NIBAN2: variants seen among roughly 807,000 people sequenced by gnomAD.
NIBAN2 encodes the protein niban apoptosis regulator 2.
A neutral mutation model predicts 81.8 loss-of-function variants in NIBAN2; 36 were observed. That is an observed-to-expected ratio of 0.44 (90% CI 0.34 to 0.58). NIBAN2 has a LOEUF of 0.58. Among genes scored for constraint, NIBAN2 ranks in the 20% least tolerant of loss-of-function variants. NIBAN2 has a pLI of 0.02. For missense variants in NIBAN2, 897 were observed against 1,014.1 expected (o/e 0.88, Z 1.57); for synonymous variants, 445 against 441.6 (o/e 1.01, Z -0.10).
In NIBAN2 at chr9:127,536,107, G is replaced by A. The variant is rs1242863113; in HGVS notation, c.56-4329C>T. Among the ~76,000 whole-genome samples, 2 of 152,134 alleles carry A rather than the reference G, an allele frequency of 1.3e-5. No individual in the cohort carries two copies. The highest frequency in any genetic ancestry group is 3.2e-3 in the Middle Eastern group (1 of 316). On this transcript the variant is annotated intron_variant, in intron 1 of 13. Coordinates refer to ENST00000373312, the MANE Select transcript of NIBAN2 (RefSeq NM_022833.4). This position sits in a 1 kb window ranked among gnomAD's most constrained non-coding sequence, Gnocchi z 4.0. ...CACGGATGGCTCCTTGGCAGGGGTA[G>A]CCCCGAGCACATTCTTGAGAGATGT...
chr9:127,572,406 C>T (rs912772368), upstream of NIBAN2, among the ~76,000 whole-genome samples: 4 of 152,092 alleles, frequency 2.6e-5, no homozygotes, highest in African/African-American at 7.2e-5. Context: ...TCACGGTCCT[C>T]GTCTTCATAG....
rs545062191 is a variant in NIBAN2 at position 127,516,321 on chromosome 9, C to T, written c.973+536G>A. On this transcript the variant is annotated intron_variant, in intron 8 of 13. Coordinates refer to ENST00000373312, the MANE Select transcript of NIBAN2 (RefSeq NM_022833.4). ...CAGGACTTTGGGAGGCCAAGGTGAG[C>T]GGATCACGAGGTCAGGAGTTCAAGA... Among the ~76,000 whole-genome samples, 9 of 152,116 alleles carry T rather than the reference C, an allele frequency of 5.9e-5. No homozygotes were observed. In the East Asian group the frequency reaches 1.2e-3, roughly 20 times the overall value.
intron 9 of NIBAN2, chr9:127,509,823 TCCTTCCCTCCTTCCCTCTCC>T (rs1836698778): frequency 1.4e-5 from 1 of 73,462 alleles, no homozygotes; most frequent in Non-Finnish European, 2.8e-5. Context: ...TTCCCTCCTC[TCCTTCCCTCCTTCCCTCTCC>T]CCTCCTCTCC....
At chr9:127,523,449 C>A (rs1428027613) in intron 5 of NIBAN2, among the ~76,000 whole-genome samples, 2 of 151,354 alleles carry the variant, frequency 1.3e-5, no homozygotes, top group African/African-American at 4.9e-5. Flanking sequence ...AACAACCACA[C>A]CCCTCTGTGA....
At chr9:127,555,623 G>C (rs578229197) in intron 1 of NIBAN2, among the ~76,000 whole-genome samples, 2 of 152,188 alleles carry the variant, frequency 1.3e-5, no homozygotes, top group Non-Finnish European at 2.9e-5. Flanking sequence ...GATGGGTGAC[G>C]AGATCCTGAG....
At chr9:127,532,235 T>C (rs1037678635) in intron 1 of NIBAN2, among the ~76,000 whole-genome samples, 11 of 152,150 alleles carry the variant, frequency 7.2e-5, no homozygotes, top group African/African-American at 2.2e-4. Flanking sequence ...ACTGAGGCCA[T>C]AGCGGGGAGC....
chr9:127,533,137 G>C (rs1460640224), intron 1 of NIBAN2, among the ~76,000 whole-genome samples: 1 of 151,922 alleles, frequency 6.6e-6, no homozygotes, highest in East Asian at 1.9e-4. Flanking sequence ...CATCCTGGGT[G>C]ACAGAGCAAG....
chr9:127,546,946 A>T (rs576332496), intron 1 of NIBAN2, among the ~76,000 whole-genome samples: 1 of 139,036 alleles, frequency 7.2e-6, no homozygotes, highest in South Asian at 2.6e-4. Context: ...GTAGCAGCTG[A>T]GACACAAAGA....
chr9:127,565,946 T>TCTCACACACACACACA (rs751937125), intron 1 of NIBAN2, among the ~76,000 whole-genome samples: 18 of 130,556 alleles, frequency 1.4e-4, no homozygotes, highest in African/African-American at 5.2e-4. Context: ...TCTCTCTCTC[T>TCTCACACACACACACA]CACACACACA....
At chr9:127,573,260 TG>T (rs1291838991), upstream of NIBAN2, among the ~76,000 whole-genome samples, 1 of 151,302 alleles carries the variant, frequency 6.6e-6, no homozygotes, top group African/African-American at 2.4e-5. Flanking sequence ...TGGCATGGAC[TG>T]GTGGGACCCC....
intron 5 of NIBAN2, among the ~76,000 whole-genome samples, chr9:127,520,031 A>G (rs2254714): frequency 0.71 from 108,383 of 152,054 alleles, 39,149 homozygotes; most frequent in Middle Eastern, 0.78. Flanking sequence ...GAGGGAGGCC[A>G]GCCAGCCTTG....
At chr9:127,542,840 A>T (rs1403480038) in intron 1 of NIBAN2, among the ~76,000 whole-genome samples, 1 of 152,220 alleles carries the variant, frequency 6.6e-6, no homozygotes, top group Non-Finnish European at 1.5e-5. Flanking sequence ...CTTCTGCCTC[A>T]GCCTCCCCAG....
At chr9:127,560,554 C>T (rs1288963391) in intron 1 of NIBAN2, among the ~76,000 whole-genome samples, 1 of 152,126 alleles carries the variant, frequency 6.6e-6, no homozygotes, top group African/African-American at 2.4e-5. Context: ...GCAGGCTGGC[C>T]CACCCCAGGC....
chr9:127,542,433 G>C (rs534867976), intron 1 of NIBAN2, among the ~76,000 whole-genome samples: 3 of 152,324 alleles, frequency 2.0e-5, no homozygotes, highest in African/African-American at 4.8e-5. Flanking sequence ...CAGTGGAAAA[G>C]GAAGGGAAGC....
intron 3 of NIBAN2, among the ~76,000 whole-genome samples, chr9:127,526,831 G>A (rs551936641): frequency 6.6e-6 from 1 of 152,346 alleles, no homozygotes; most frequent in South Asian, 2.1e-4. Flanking sequence ...TCGAGGGTGG[G>A]AGGGGTCGGA....
intron 1 of NIBAN2, among the ~76,000 whole-genome samples, chr9:127,566,451 G>A (rs916775647): frequency 2.0e-5 from 3 of 152,164 alleles, no homozygotes; most frequent in African/African-American, 7.2e-5. Flanking sequence ...GTGGAAACAA[G>A]CCTCTGCTTG....
At position 127,508,552 on chromosome 9, in the gene NIBAN2, C is replaced by A. The variant is rs371009776; in HGVS notation, c.1318-14G>T. Reference sequence around the variant, plus strand: ...ATTGTCCATTTGCTGCAGGGCATACCGCGGACATGTGAAGCCCCCAGGGTG... The same window carrying A: ...ATTGTCCATTTGCTGCAGGGCATACAGCGGACATGTGAAGCCCCCAGGGTG... On this transcript the variant is annotated splice_polypyrimidine_tract_variant and intron_variant, in intron 10 of 13. Transcript: ENST00000373312. This position sits in a 1 kb window ranked among gnomAD's most constrained non-coding sequence, Gnocchi z 6.4. 6.2e-7 allele frequency: 1 copy of A among 1,606,550 alleles called. No individual in the cohort carries two copies. Among genetic ancestry groups the A allele is most frequent in the South Asian group, 1.1e-5 (1 of 90,952 alleles).
upstream of NIBAN2, among the ~76,000 whole-genome samples, chr9:127,570,501 G>A (rs1837934295): frequency 6.6e-6 from 1 of 152,258 alleles, no homozygotes; most frequent in East Asian, 1.9e-4. Flanking sequence ...TTGCGGGAGG[G>A]TTAAATGATA....
At position 127,507,939 on chromosome 9, in the gene NIBAN2, C is replaced by A. The variant is rs749769768; in HGVS notation, c.1582G>T (p.Ala528Ser). The A allele has an allele frequency of 3.7e-6, 6 of 1,614,200 alleles. No homozygotes were observed. In the South Asian group the frequency reaches 6.6e-5, roughly 18 times the overall value. ...RFQELIFEDF[A>S]RFILVENTYE... ...GTGTTTTCCACCAGGATGAACCTGG[C>A]AAAGTCCTCGAAGATCAGCTCCTGG... The change falls in exon 13 of 14, where the codon GCC (alanine) becomes TCC (serine). Residue 528 changes from alanine (A) to serine (S), a missense_variant. Ala to Ser is a moderately conservative substitution (Grantham distance 99). Transcript: ENST00000373312. The surrounding 1 kb of genome is among the most constrained non-coding windows in gnomAD (Gnocchi z 6.8).
Sources: allele counts gnomAD v4.1 joint callset (sites outside exome capture counted in the v4.1 genomes callset), GRCh38; gene constraint gnomAD v4.1.1; non-coding constraint Gnocchi (gnomAD v3.1); transcripts MANE v1.5; gene names NCBI Gene and HGNC (gene_info 2026-07-23, HGNC 2026-07-21).